Variants in HHAT observed in about 807,000 individuals in gnomAD.
The protein encoded by HHAT is hedgehog acyltransferase.
A neutral mutation model predicts 70.8 loss-of-function variants in HHAT; 47 were observed. That is an observed-to-expected ratio of 0.66 (90% confidence interval 0.53 to 0.85). The LOEUF is 0.85. Among genes scored for constraint, HHAT ranks in the 40% least tolerant of loss-of-function variants. The pLI is 0.00. For missense variants in HHAT, 609 were observed against 604.8 expected (o/e 1.01, Z -0.07); for synonymous variants, 228 against 247.6 (o/e 0.92, Z 0.74).
At chr1:210,566,434 G>A (rs1034770396) in intron 9 of HHAT, among the ~76,000 whole-genome samples, 10 of 152,072 alleles carry the variant, frequency 6.6e-5, no homozygotes, top group Non-Finnish European at 1.2e-4. Flanking sequence ...GACCCTAAAT[G>A]AGAACAGGCA....
intron 3 of HHAT, among the ~76,000 whole-genome samples, chr1:210,378,383 T>G (rs1006305231): frequency 1.3e-5 from 2 of 152,200 alleles, no homozygotes; most frequent in Admixed American, 1.3e-4. Flanking sequence ...GAAACATGTA[T>G]AGTATTTCTG....
intron 8 of HHAT, among the ~76,000 whole-genome samples, chr1:210,479,597 C>T (rs574413598): frequency 6.6e-6 from 1 of 152,188 alleles, no homozygotes; most frequent in Non-Finnish European, 1.5e-5. Flanking sequence ...CATGTCATCT[C>T]CCAATAGCAT....
chr1:210,620,839 C>T (rs1215154840), intron 10 of HHAT, among the ~76,000 whole-genome samples: 1 of 151,220 alleles, frequency 6.6e-6, no homozygotes, highest in Non-Finnish European at 1.5e-5. Flanking sequence ...GTTGCCCCCC[C>T]TCTCCTTCCT....
At chr1:210,670,662 G>A (rs1679894542) in intron 11 of HHAT, among the ~76,000 whole-genome samples, 2 of 152,206 alleles carry the variant, frequency 1.3e-5, no homozygotes, top group South Asian at 4.1e-4. Flanking sequence ...GAAAGGATAA[G>A]GAGCCCTTGA....
intron 11 of HHAT, among the ~76,000 whole-genome samples, chr1:210,629,390 A>G (rs1301280028): frequency 6.6e-6 from 1 of 152,262 alleles, no homozygotes; most frequent in Non-Finnish European, 1.5e-5. Context: ...GCTTTCAACC[A>G]GAGAACACTT....
chr1:210,382,806 G>A (rs1349039805), intron 3 of HHAT, among the ~76,000 whole-genome samples: 2 of 152,100 alleles, frequency 1.3e-5, no homozygotes, highest in Non-Finnish European at 2.9e-5. Flanking sequence ...GTTGGAGATT[G>A]CCTAGTCAAA....
chr1:210,367,031 G>C (rs1287644205), intron 3 of HHAT, among the ~76,000 whole-genome samples: 1 of 152,190 alleles, frequency 6.6e-6, no homozygotes, highest in Non-Finnish European at 1.5e-5. Flanking sequence ...TGGTGAGCCA[G>C]ACAGACAACA....
rs576023705 is a variant in HHAT at position 210,438,581 on chromosome 1, G to A, written c.856+20256G>A. ...TATACCTGCCACTCCTAATTTTGTA[G>A]GTCCTATTGGCATGCTCTGTTCATG... On this transcript the variant is annotated intron_variant, in intron 7 of 11. Transcript: ENST00000261458. Among the ~76,000 whole-genome samples the A allele has an allele frequency of 5.9e-5, 9 of 151,782 alleles. No homozygotes were observed. In the East Asian group the frequency reaches 1.7e-3, roughly 29 times the overall value.
In HHAT at chr1:210,404,538, C is replaced by A. The variant is rs182753413; in HGVS notation, c.543C>A (p.Thr181=). ...FTLTVRCLYY[T]SFSLELCWQQ... ...TGACCGTTCGCTGCCTGTACTACAC[C>A]AGCTTCAGCCTGGAGCTCTGCTGGC... Residue 181 remains threonine, a synonymous_variant, in exon 6 of 12, where the codon ACC becomes ACA. Coordinates refer to ENST00000261458, the MANE Select transcript of HHAT (RefSeq NM_018194.6). 1.3e-4 allele frequency: 206 copies of A among 1,613,856 alleles called. 1 individual carries two copies. The East Asian group carries it at 4.4e-3, about 35-fold the overall frequency.
chr1:210,601,956 A>AGAGAGAGAGTGT (rs374229402), intron 10 of HHAT, among the ~76,000 whole-genome samples: 10 of 91,080 alleles, frequency 1.1e-4, no homozygotes, highest in African/African-American at 3.6e-4. Flanking sequence ...AGAGAGAGAG[A>AGAGAGAGAGTGT]GTATGTGTGT....
At chr1:210,376,014 A>ATTTTTTT (rs57707354) in intron 3 of HHAT, among the ~76,000 whole-genome samples, 10 of 108,886 alleles carry the variant, frequency 9.2e-5, no homozygotes, top group East Asian at 2.6e-4. Flanking sequence ...TGCACAGCTA[A>ATTTTTTT]TTTTTTTTTT....
At chr1:210,518,070 A>G (rs945397823) in intron 9 of HHAT, among the ~76,000 whole-genome samples, 16 of 152,170 alleles carry the variant, frequency 1.1e-4, no homozygotes, top group African/African-American at 3.9e-4. Context: ...TGGTCATCTC[A>G]TACATTTATT....
chr1:210,388,552 A>ATTTTTTTTTT (rs376948754), intron 4 of HHAT, among the ~76,000 whole-genome samples: 1 of 149,638 alleles, frequency 6.7e-6, no homozygotes, highest in Non-Finnish European at 1.5e-5. Flanking sequence ...TATGATACTG[A>ATTTTTTTTTT]TTTTTTTTTT....
chr1:210,572,396 T>C (rs1656529765), intron 9 of HHAT, among the ~76,000 whole-genome samples: 1 of 152,114 alleles, frequency 6.6e-6, no homozygotes, highest in African/African-American at 2.4e-5. Context: ...AGTGTCAGTG[T>C]TTTGTGAGGG....
chr1:210,364,933 G>A (rs1206394149), intron 3 of HHAT, among the ~76,000 whole-genome samples: 1 of 152,148 alleles, frequency 6.6e-6, no homozygotes, highest in Non-Finnish European at 1.5e-5. Flanking sequence ...CCATCCCTCT[G>A]TCTGACTATC....
intron 7 of HHAT, among the ~76,000 whole-genome samples, chr1:210,439,939 G>T (rs1359953523): frequency 1.3e-5 from 2 of 151,880 alleles, no homozygotes; most frequent in Non-Finnish European, 2.9e-5. Flanking sequence ...CCTTGCAAGG[G>T]TGAGAATTCA....
rs550287209 is a variant in HHAT at position 210,657,963 on chromosome 1, A to G, written c.1391-16325A>G. ...TGTGGTCTTGATCAGAGGTTTTGCC[A>G]CAACTATTATTTTTAATGGCCTGAA... is the stretch of plus-strand genomic sequence containing the variant. On this transcript the variant is annotated intron_variant, in intron 11 of 11. Coordinates refer to ENST00000261458, the MANE Select transcript of HHAT (RefSeq NM_018194.6). Among the ~76,000 whole-genome samples, 3 of 152,312 alleles carry G rather than the reference A, an allele frequency of 2.0e-5. No individual in the cohort carries two copies. In the East Asian group the frequency reaches 5.8e-4, roughly 29 times the overall value.
chr1:210,600,915 C>T (rs902632613), intron 10 of HHAT, among the ~76,000 whole-genome samples: 4 of 152,098 alleles, frequency 2.6e-5, no homozygotes, highest in Non-Finnish European at 4.4e-5. Flanking sequence ...AATTTAAATA[C>T]GTTCTCCTCT....
chr1:210,350,150 T>G (rs1485251703), intron 2 of HHAT, among the ~76,000 whole-genome samples: 2 of 152,254 alleles, frequency 1.3e-5, no homozygotes, highest in African/African-American at 2.4e-5. Context: ...TTTGCCTGTC[T>G]GTATAAACTT....
Sources: allele counts gnomAD v4.1 joint callset (sites outside exome capture counted in the v4.1 genomes callset), GRCh38; gene constraint gnomAD v4.1.1; transcripts MANE v1.5; gene names NCBI Gene and HGNC (gene_info 2026-07-23, HGNC 2026-07-21).